Variants in CFAP96 observed in about 807,000 individuals in gnomAD.
CFAP96 encodes the protein cilia-and flagella-associated protein 96.
the CFAP96 span, chr4:185,435,951 C>CT: frequency 2.0e-6 from 2 of 1,004,048 alleles, no homozygotes; most frequent in African/African-American, 3.3e-5. Flanking sequence ...ATTTTTTTCT[C>CT]TTTTTTTCAA....
the CFAP96 span, among the ~76,000 whole-genome samples, chr4:185,447,423 A>G: frequency 5.4e-4 from 82 of 151,920 alleles, no homozygotes; most frequent in East Asian, 1.2e-3. Context: ...CTCGTGATCC[A>G]CCCACCTTGG....
chr4:185,417,879 A>C, the CFAP96 span, among the ~76,000 whole-genome samples: 4 of 152,198 alleles, frequency 2.6e-5, no homozygotes, highest in African/African-American at 9.6e-5. Flanking sequence ...TCCCATCTCT[A>C]CTAAAAATAC....
At chr4:185,417,047 T>G in the CFAP96 span, among the ~76,000 whole-genome samples, 1 of 152,106 alleles carries the variant, frequency 6.6e-6, no homozygotes, top group Non-Finnish European at 1.5e-5. Flanking sequence ...AGGGAAAAAA[T>G]AGTACCTTTA....
chr4:185,421,636 G>C, the CFAP96 span, among the ~76,000 whole-genome samples: 1 of 152,152 alleles, frequency 6.6e-6, no homozygotes, highest in Non-Finnish European at 1.5e-5. Context: ...CATGCTTTTT[G>C]TACAGTCTGC....
the CFAP96 span, among the ~76,000 whole-genome samples, chr4:185,427,963 G>A: frequency 5.3e-5 from 8 of 151,146 alleles, no homozygotes; most frequent in Non-Finnish European, 8.9e-5. Context: ...GCAGACGCCT[G>A]TAATCCCAGC....
At chr4:185,409,353 GGTTTTT>G in the CFAP96 span, among the ~76,000 whole-genome samples, 2 of 151,942 alleles carry the variant, frequency 1.3e-5, no homozygotes, top group Non-Finnish European at 2.9e-5. Flanking sequence ...TAAAGAACTG[GGTTTTT>G]GTTTTTATTT....
At chr4:185,417,920 T>C in the CFAP96 span, among the ~76,000 whole-genome samples, 69 of 152,166 alleles carry the variant, frequency 4.5e-4, no homozygotes, top group African/African-American at 1.6e-3. Flanking sequence ...GGCAGGTGCC[T>C]GTAATCCCAG....
At chr4:185,443,338 ATATATTTTTTTT>A in the CFAP96 span, among the ~76,000 whole-genome samples, 1 of 32,104 alleles carries the variant, frequency 3.1e-5, no homozygotes, top group African/African-American at 9.4e-5. Context: ...ATATATATAT[ATATATTTTTTTT>A]TTTTTTTTTT....
At chr4:185,429,422 A>T in the CFAP96 span, 3 of 1,534,018 alleles carry the variant, frequency 2.0e-6, no homozygotes, top group South Asian at 3.8e-5. Flanking sequence ...ATGCCTGCGG[A>T]AGGAGGAAAA....
the CFAP96 span, chr4:185,445,121 A>G: frequency 6.4e-7 from 1 of 1,551,444 alleles, no homozygotes; most frequent in South Asian, 1.2e-5. Flanking sequence ...ATGACTTTGA[A>G]TGTCAGAAGG....
At chr4:185,413,823 C>A in the CFAP96 span, 31 of 1,612,980 alleles carry the variant, frequency 1.9e-5, no homozygotes, top group Non-Finnish European at 2.5e-5. Context: ...AGCATTAGAC[C>A]TTTTGAAATA....
chr4:185,415,342 C>T, the CFAP96 span: 32 of 1,574,742 alleles, frequency 2.0e-5, no homozygotes, highest in African/African-American at 1.2e-4. Context: ...CAGGAGTTTA[C>T]GAACTCTGTG....
At chr4:185,418,420 G>A in the CFAP96 span, 2 of 1,566,798 alleles carry the variant, frequency 1.3e-6, no homozygotes, top group Non-Finnish European at 1.8e-6. Context: ...TATCAGTACA[G>A]AAGACAGATA....
chr4:185,429,511 C>T, the CFAP96 span: 6 of 1,502,362 alleles, frequency 4.0e-6, no homozygotes, highest in Admixed American at 6.5e-5. Flanking sequence ...ACAATTTAAT[C>T]GTAAGTATAT....
chr4:185,415,464 A>C, the CFAP96 span: 1 of 929,458 alleles, frequency 1.1e-6, no homozygotes, highest in African/African-American at 1.7e-5. Flanking sequence ...AGGTTTGCTA[A>C]AGGAAGTCTG....
At chr4:185,432,172 A>T in the CFAP96 span, 1 of 1,551,658 alleles carries the variant, frequency 6.4e-7, no homozygotes, top group Non-Finnish European at 8.7e-7. Context: ...TAGGCAAAGC[A>T]TTCCTCCCTA....
the CFAP96 span, among the ~76,000 whole-genome samples, chr4:185,449,421 C>T: frequency 3.3e-5 from 5 of 151,702 alleles, no homozygotes; most frequent in East Asian, 1.9e-4. Flanking sequence ...CTTGGGCGGC[C>T]GAGGCAGGAG....
At chr4:185,440,634 C>T in the CFAP96 span, 1 of 1,524,790 alleles carries the variant, frequency 6.6e-7, no homozygotes, top group Non-Finnish European at 8.9e-7. Context: ...CCTTATTTTT[C>T]TGAGGAATCT....
chr4:185,436,431 G>T, the CFAP96 span: 4 of 1,155,078 alleles, frequency 3.5e-6, no homozygotes, highest in South Asian at 2.7e-5. Flanking sequence ...TTCACTTGAG[G>T]CCGGGCACGG....
Sources: allele counts gnomAD v4.1 joint callset (sites outside exome capture counted in the v4.1 genomes callset), GRCh38; gene constraint gnomAD v4.1.1; transcripts MANE v1.5; gene names NCBI Gene and HGNC (gene_info 2026-07-23, HGNC 2026-07-21).